The following PCDH15 variants were observed in gnomAD, a reference collection of about 807,000 sequenced individuals.
PCDH15 encodes protocadherin related 15, also known as protocadherin-15.
PCDH15 carries 129 observed loss-of-function variants against 178.5 expected under a neutral mutation model. That is an observed-to-expected ratio of 0.72 (90% CI 0.63 to 0.84). The LOEUF (loss-of-function observed/expected upper bound fraction) is 0.84, where lower values mean the gene tolerates loss of function less well. PCDH15 is among the 40% of genes least tolerant of loss of function. PCDH15 has a pLI of 0.00. For synonymous variants in PCDH15, 800 were observed against 732.0 expected (o/e 1.09, Z -1.50); for missense variants, 2,230 against 2,099.9 (o/e 1.06, Z -1.21).
At chr10:55,144,270 GAA>G (rs375219689) in intron 2 of PCDH15, among the ~76,000 whole-genome samples, 684 of 37,442 alleles carry the variant, frequency 0.018, 9 homozygotes, top group Middle Eastern at 0.062. Context: ...TTACGGCTGA[GAA>G]AAAAAAAAAT....
At chr10:55,190,064 C>A (rs1215674619) in intron 1 of PCDH15, among the ~76,000 whole-genome samples, 1 of 151,684 alleles carries the variant, frequency 6.6e-6, no homozygotes, top group Non-Finnish European at 1.5e-5. Context: ...TCTAAACCTG[C>A]ATGAAATGAA....
intron 18 of PCDH15, among the ~76,000 whole-genome samples, chr10:54,037,138 T>G (rs1022998870): frequency 6.6e-6 from 1 of 151,950 alleles, no homozygotes; most frequent in African/African-American, 2.4e-5. Context: ...AGTGGTTTCT[T>G]GATATGATAC....
At chr10:54,155,748 G>A (rs2045060225) in intron 13 of PCDH15, among the ~76,000 whole-genome samples, 2 of 143,482 alleles carry the variant, frequency 1.4e-5, no homozygotes, top group Admixed American at 1.4e-4. Context: ...AGTGACCTGA[G>A]ATCATGCCAC....
intron 16 of PCDH15, among the ~76,000 whole-genome samples, chr10:54,083,255 C>T (rs549958867): frequency 1.1e-4 from 16 of 152,280 alleles, no homozygotes; most frequent in African/African-American, 3.6e-4. Flanking sequence ...CATAATTACA[C>T]TATTCCCTAG....
chr10:54,318,096 AG>A (rs1330800411), intron 7 of PCDH15, among the ~76,000 whole-genome samples: 1 of 152,130 alleles, frequency 6.6e-6, no homozygotes, highest in African/African-American at 2.4e-5. Context: ...ATCTTTTATA[AG>A]CTGCTTGTCA....
At chr10:54,583,296 A>G (rs1359030968) in intron 2 of PCDH15, among the ~76,000 whole-genome samples, 1 of 152,150 alleles carries the variant, frequency 6.6e-6, no homozygotes, top group African/African-American at 2.4e-5. Flanking sequence ...ATTATACCAA[A>G]CAATTGAGGA....
chr10:54,038,959 T>A (rs952187607), intron 18 of PCDH15, among the ~76,000 whole-genome samples: 1 of 151,992 alleles, frequency 6.6e-6, no homozygotes. Context: ...TCCAAACTAA[T>A]ATTTGTCATT....
At chr10:54,833,027 C>G (rs1013389765) in intron 3 of PCDH15, among the ~76,000 whole-genome samples, 1 of 152,026 alleles carries the variant, frequency 6.6e-6, no homozygotes, top group African/African-American at 2.4e-5. Context: ...AAGAAAAAAG[C>G]AAAATATATT....
intron 1 of PCDH15, among the ~76,000 whole-genome samples, chr10:55,290,129 T>G (rs187227297): frequency 6.6e-6 from 1 of 151,882 alleles, no homozygotes; most frequent in Non-Finnish European, 1.5e-5. Context: ...AACAAAGGCA[T>G]CTATCATTGT....
rs1328730905 is a variant in PCDH15, at chr10:53,802,864, T to C, written c.*3715A>G. 6.6e-6 allele frequency: 1 copy of C among 151,960 alleles called. No homozygotes were observed. The highest frequency in any genetic ancestry group is 1.5e-5 in the Non-Finnish European group (1 of 67,866). 9.4% of individuals were successfully genotyped at this position (151,960 alleles called of 1,614,324 possible). A position where few individuals can be genotyped will look rare whatever the true frequency, so the allele number is the denominator to read the frequency against. ...TAATTCAGATTCTTATACAGTAACA[T>C]AATATTTGTTAAGGAAGAACAGGTA... On this transcript the variant is annotated 3_prime_UTR_variant, in exon 38 of 38. Transcript: ENST00000644397.
chr10:55,322,203 C>A (rs1843918876), upstream of PCDH15, among the ~76,000 whole-genome samples: 1 of 152,160 alleles, frequency 6.6e-6, no homozygotes, highest in East Asian at 1.9e-4. Context: ...CCCATGATCT[C>A]TTGCCTGCTA....
rs142618720 is a variant in PCDH15, at chr10:55,222,730, C to CATATATATATATATATAT, written c.-155-56097_-155-56080dup. 1.5e-3 allele frequency among the ~76,000 whole-genome samples: 176 copies of CATATATATATATATATAT among 121,108 alleles called. 1 individual carries two copies. The highest frequency in any genetic ancestry group is 2.0e-3 in the Non-Finnish European group (121 of 59,026). 79.5% of individuals were successfully genotyped at this position (121,108 alleles called of 152,430 possible). A position where few individuals can be genotyped will look rare whatever the true frequency, so the allele number is the denominator to read the frequency against. Reference sequence around the variant, plus strand: ...CTTTATACACACACACACACACACACATATATATATATATATATATATATA... The same window carrying CATATATATATATATATAT: ...CTTTATACACACACACACACACACACATATATATATATATATATATATATATATATATATATATATATA... On this transcript the variant is annotated intron_variant, in intron 1 of 5. Coordinates refer to the PCDH15 transcript ENST00000458638.
chr10:54,641,062 C>A, intron 2 of PCDH15: 1 of 274,006 alleles, frequency 3.6e-6, no homozygotes, highest in Non-Finnish European at 7.3e-6. Flanking sequence ...CGAGATGGTG[C>A]CACTGCACTC....
chr10:54,071,709 A>G (rs1027703641), intron 17 of PCDH15, among the ~76,000 whole-genome samples: 3 of 152,144 alleles, frequency 2.0e-5, no homozygotes, highest in East Asian at 1.9e-4. Context: ...GGAATCAGTC[A>G]GGAATATTTC....
At chr10:54,910,919 G>T (rs181110688) in intron 2 of PCDH15, among the ~76,000 whole-genome samples, 1 of 152,252 alleles carries the variant, frequency 6.6e-6, no homozygotes, top group East Asian at 1.9e-4. Context: ...CAATTGAGAT[G>T]GGACAGTGGA....
In PCDH15 at chr10:55,398,944, C is replaced by T. The variant is rs142164221; in HGVS notation, c.-156+228681G>A. On this transcript the variant is annotated intron_variant, in intron 2 of 5. Transcript: ENST00000613346. ...AACGCTCACATTCTCTAAAATGACA[C>T]ATACATATATGAATGAAAAAATGTT... Among the ~76,000 whole-genome samples the T allele has an allele frequency of 1.7e-3, 265 of 152,120 alleles. 1 individual carries two copies. Among genetic ancestry groups the T allele is most frequent in the Middle Eastern group, 3.4e-3 (1 of 294 alleles).
intron 9 of PCDH15, among the ~76,000 whole-genome samples, chr10:54,235,195 A>G (rs753877251): frequency 1.3e-5 from 2 of 152,058 alleles, no homozygotes; most frequent in African/African-American, 4.8e-5. Flanking sequence ...TGCTTTTCCA[A>G]TCCCATTCAT....
At chr10:55,341,637 T>C (rs1218988673) in intron 2 of PCDH15, among the ~76,000 whole-genome samples, 1 of 149,182 alleles carries the variant, frequency 6.7e-6, no homozygotes, top group African/African-American at 2.5e-5. Flanking sequence ...TGACGCGATC[T>C]TGGCTTACTC....
intron 3 of PCDH15, among the ~76,000 whole-genome samples, chr10:54,404,610 A>G (rs1025046181): frequency 6.6e-6 from 1 of 152,140 alleles, no homozygotes; most frequent in African/African-American, 2.4e-5. Flanking sequence ...CATGACCAAG[A>G]TGCCAAAAGC....
Sources: allele counts gnomAD v4.1 joint callset (sites outside exome capture counted in the v4.1 genomes callset), GRCh38; gene constraint gnomAD v4.1.1; transcripts MANE v1.5; gene names NCBI Gene and HGNC (gene_info 2026-07-23, HGNC 2026-07-21).